CA6: variants seen among roughly 807,000 people sequenced by gnomAD.
The protein encoded by CA6 is carbonic anhydrase 6.
In CA6, 28 loss-of-function variants were observed where a neutral mutation model predicts 35.9. The ratio of observed to expected loss-of-function variants is 0.78; its 90% CI spans 0.58 to 1.07. The LOEUF is 1.07. CA6 is among the 50% of genes least tolerant of loss of function. The probability of loss-of-function intolerance (pLI) is 0.00; values close to 1 mark genes in which losing one functional copy is unlikely to be tolerated. For missense variants in CA6, 377 were observed against 382.0 expected (o/e 0.99, Z 0.11); for synonymous variants, 148 against 152.6 (o/e 0.97, Z 0.22).
At chr1:8,956,800 G>A (rs1639695878) in intron 2 of CA6, among the ~76,000 whole-genome samples, 1 of 152,210 alleles carries the variant, frequency 6.6e-6, no homozygotes, top group African/African-American at 2.4e-5. Flanking sequence ...AATTTTTCAG[G>A]ACCTTCCCTT....
chr1:8,957,070 C>G (rs1639704710), intron 2 of CA6, 67 bp from the exon 3 acceptor site: 1 of 1,427,014 alleles, frequency 7.0e-7, no homozygotes, highest in African/African-American at 1.4e-5. Context: ...AGAGAAGCTA[C>G]CCAGCCTGTA....
chr1:8,960,789 C>CACACACACACACACACATAT (rs59987426), intron 4 of CA6, among the ~76,000 whole-genome samples: 3 of 116,874 alleles, frequency 2.6e-5, no homozygotes, highest in African/African-American at 1.0e-4. Context: ...CACACACACA[C>CACACACACACACACACATAT]ATATATATAA....
At chr1:8,970,309 AC>A (rs1197351891) in intron 6 of CA6, among the ~76,000 whole-genome samples, 14 of 151,588 alleles carry the variant, frequency 9.2e-5, no homozygotes, top group African/African-American at 3.4e-4. Context: ...TCTCCTTTCT[AC>A]TACTGGACAA....
At position 8,949,329 on chromosome 1, in the gene CA6, C is replaced by T. The variant is rs746378538; in HGVS notation, c.146C>T (p.Pro49Leu). The change falls in exon 2 of 8, where the codon CCT (proline) becomes CTT (leucine). Residue 49 changes from proline (P) to leucine (L), a missense_variant. By Grantham distance (98) the Pro-to-Leu change is moderately conservative. Coordinates refer to ENST00000377443, the MANE Select transcript of CA6 (RefSeq NM_001215.4). ...YPACGGQRQS[P>L]INLQRTKVRY... is the part of the protein sequence containing the mutation. ...GCCTGTGGGGGCCAGAGACAGTCGC[C>T]TATCAACCTACAGAGGACGAAGGTG... The T allele has an allele frequency of 2.5e-6, 4 of 1,613,320 alleles. No homozygotes were observed. In the South Asian group the frequency reaches 4.4e-5, roughly 18 times the overall value.
chr1:8,957,845 C>T (rs1203267697), intron 3 of CA6, among the ~76,000 whole-genome samples: 1 of 150,946 alleles, frequency 6.6e-6, no homozygotes, highest in Non-Finnish European at 1.5e-5. Flanking sequence ...ATAGTTCCAG[C>T]TTCTGAGGAG....
chr1:8,958,164 A>G (rs1244760625), intron 3 of CA6, among the ~76,000 whole-genome samples: 1 of 151,060 alleles, frequency 6.6e-6, no homozygotes, highest in African/African-American at 2.4e-5. Flanking sequence ...TATGTGTTAG[A>G]TTTTCTTTTT....
intron 1 of CA6, 74 bp downstream of exon 1, chr1:8,946,039 C>A: frequency 6.9e-6 from 6 of 871,774 alleles, no homozygotes; most frequent in Non-Finnish European, 1.1e-5. Flanking sequence ...CCTTCTTCTT[C>A]TTCTTTTTTT....
chr1:8,949,269 C>T lies in CA6; in HGVS notation c.86C>T (p.Ala29Val), dbSNP rs373280309. The change falls in exon 2 of 8, where the codon GCA becomes GTA. Residue 29 changes from alanine to valine, a missense_variant. Ala to Val is a moderately conservative substitution (Grantham distance 64, BLOSUM62 0). Coordinates refer to ENST00000377443, the MANE Select transcript of CA6 (RefSeq NM_001215.4). ...TGTGTCTTTCCTGTCTTAGAAGGGG[C>T]ACTGGACGAAGCGCACTGGCCACAG... is the stretch of plus-strand genomic sequence containing the variant. ...HVSDWTYSEG[A>V]LDEAHWPQHY... is the part of the protein sequence containing the mutation. 1 of 1,598,642 alleles carries T rather than the reference C, an allele frequency of 6.3e-7. No homozygotes were observed. The highest frequency in any genetic ancestry group is 8.5e-7 in the Non-Finnish European group (1 of 1,173,088).
At chr1:8,969,325 A>T (rs1186752524) in intron 6 of CA6, among the ~76,000 whole-genome samples, 1 of 152,154 alleles carries the variant, frequency 6.6e-6, no homozygotes, top group Non-Finnish European at 1.5e-5. Flanking sequence ...AAAAAAACAA[A>T]AACAAAAACC....
intron 2 of CA6, among the ~76,000 whole-genome samples, chr1:8,956,835 T>C (rs954569696): frequency 6.6e-6 from 1 of 152,212 alleles, no homozygotes; most frequent in South Asian, 2.1e-4. Flanking sequence ...AAGCTGGACC[T>C]GCCACTGTGT....
chr1:8,950,079 A>G (rs1415025547), intron 2 of CA6, among the ~76,000 whole-genome samples: 3 of 152,068 alleles, frequency 2.0e-5, no homozygotes, highest in Non-Finnish European at 4.4e-5. Flanking sequence ...TCCTGGGTTC[A>G]AGCGATTCTC....
chr1:8,954,173 GTT>G (rs34159260), intron 2 of CA6, among the ~76,000 whole-genome samples: 30 of 140,234 alleles, frequency 2.1e-4, no homozygotes, highest in African/African-American at 2.6e-4. Flanking sequence ...CACTACTTCC[GTT>G]TTTTTTTTTT....
At chr1:8,968,312 G>T (rs758781171) in intron 6 of CA6, among the ~76,000 whole-genome samples, 1 of 151,994 alleles carries the variant, frequency 6.6e-6, no homozygotes, top group Non-Finnish European at 1.5e-5. Flanking sequence ...AGGTGGAAAA[G>T]ACCCCTGCTC....
At chr1:8,951,780 T>C (rs1032366527) in intron 2 of CA6, 2 of 655,044 alleles carry the variant, frequency 3.1e-6, no homozygotes, top group East Asian at 5.0e-5. Flanking sequence ...TGTCGGACAT[T>C]AGAGTGGACC....
chr1:8,948,365 G>A lies in CA6; in HGVS notation c.80-898G>A, dbSNP rs560649078. Among the ~76,000 whole-genome samples, 9 of 152,158 alleles carry A rather than the reference G, an allele frequency of 5.9e-5. No homozygotes were observed. The East Asian group carries it at 1.5e-3, about 26-fold the overall frequency. The stretch of plus-strand genomic sequence containing the variant: ...CTTTCTCCTTATGAATTTTAAAAAA[G>A]TACTCATTCTAGGTTGTCCTGGAAC... On this transcript the variant is annotated intron_variant, in intron 1 of 7. Transcript: ENST00000377443.
intron 7 of CA6, among the ~76,000 whole-genome samples, chr1:8,972,410 C>T (rs1026565204): frequency 8.5e-5 from 13 of 152,148 alleles, no homozygotes; most frequent in African/African-American, 1.4e-4. Context: ...TGGCGGCTCA[C>T]GCCTGTAATC....
chr1:8,974,829 C>G lies in CA6; in HGVS notation c.*125C>G. The G allele has an allele frequency of 3.5e-6, 2 of 565,422 alleles. No individual in the cohort carries two copies. Among genetic ancestry groups the G allele is most frequent in the African/African-American group, 3.9e-5 (2 of 51,472 alleles). 35.0% of individuals were successfully genotyped at this position (565,422 alleles called of 1,614,324 possible). On this transcript the variant is annotated 3_prime_UTR_variant, in exon 8 of 8. Coordinates refer to ENST00000377443, the MANE Select transcript of CA6 (RefSeq NM_001215.4). ...ATGTGTGTCTGGAACACGCTGCTCCCCCTGGGGCAGCTGTTGGGATTCTGA... is the reference window on the plus strand; with the variant it reads ...ATGTGTGTCTGGAACACGCTGCTCCGCCTGGGGCAGCTGTTGGGATTCTGA...
Position 8,956,529 on chromosome 1 carries a change from G to A in CA6, c.260-608G>A, listed in dbSNP as rs556948899. On this transcript the variant is annotated intron_variant, in intron 2 of 7. Coordinates refer to ENST00000377443, the MANE Select transcript of CA6 (RefSeq NM_001215.4). Reference sequence around the variant, plus strand: ...ACAAAAATTAGCCAGGCATGGTGGCGGGCACCTGTAGTTCCAGCTACTCGG... The same window carrying A: ...ACAAAAATTAGCCAGGCATGGTGGCAGGCACCTGTAGTTCCAGCTACTCGG... 8.6e-4 allele frequency among the ~76,000 whole-genome samples: 130 copies of A among 151,934 alleles called. 1 individual carries two copies. In the South Asian group the frequency reaches 0.018, roughly 22 times the overall value.
chr1:8,951,615 A>T (rs1639537909), intron 2 of CA6: 1 of 765,092 alleles, frequency 1.3e-6, no homozygotes, highest in Admixed American at 1.7e-5. Flanking sequence ...GAGGGAAGGC[A>T]TATGGAAGAG....
Sources: allele counts gnomAD v4.1 joint callset (sites outside exome capture counted in the v4.1 genomes callset), GRCh38; gene constraint gnomAD v4.1.1; transcripts MANE v1.5; gene names NCBI Gene and HGNC (gene_info 2026-07-23, HGNC 2026-07-21).